Variants in GRIA1 observed in about 807,000 individuals in gnomAD.
The protein encoded by GRIA1 is glutamate receptor 1.
GRIA1 carries 31 observed loss-of-function variants against 99.2 expected under a neutral mutation model. The observed-to-expected ratio is 0.31, with a 90% confidence interval of 0.23 to 0.42. GRIA1 has a LOEUF of 0.42. Among genes scored for constraint, GRIA1 ranks in the 10% least tolerant of loss-of-function variants. GRIA1 has a pLI of 1.00. For missense variants in GRIA1, 782 were observed against 1,157.5 expected (o/e 0.68, Z 4.71); for synonymous variants, 438 against 432.4 (o/e 1.01, Z -0.16).
intron 4 of GRIA1, among the ~76,000 whole-genome samples, chr5:153,652,098 C>A (rs1754617736): frequency 6.6e-6 from 1 of 152,150 alleles, no homozygotes; most frequent in Non-Finnish European, 1.5e-5. Context: ...TACAAGCAAG[C>A]ATTTGCCTAT....
At chr5:153,519,869 TTCTAATAA>T (rs1756980897) in intron 2 of GRIA1, among the ~76,000 whole-genome samples, 1 of 152,226 alleles carries the variant, frequency 6.6e-6, no homozygotes, top group Non-Finnish European at 1.5e-5. Flanking sequence ...CATGTTTATA[TTCTAATAA>T]TCTATTTTCC....
chr5:153,634,410 C>T (rs879839174), intron 2 of GRIA1, among the ~76,000 whole-genome samples: 21 of 151,590 alleles, frequency 1.4e-4, no homozygotes, highest in Middle Eastern at 6.9e-3. Context: ...CTGAAGAATG[C>T]GAAGGGGTCA....
intron 11 of GRIA1, among the ~76,000 whole-genome samples, chr5:153,733,120 G>A (rs1761158280): frequency 6.6e-6 from 1 of 151,250 alleles, no homozygotes; most frequent in African/African-American, 2.4e-5. Flanking sequence ...ATTTGTTATT[G>A]GTTTGTTATA....
intron 2 of GRIA1, among the ~76,000 whole-genome samples, chr5:153,573,556 C>G (rs1762296932): frequency 6.6e-6 from 1 of 152,010 alleles, no homozygotes; most frequent in Non-Finnish European, 1.5e-5. Flanking sequence ...GGTGAGGGAT[C>G]TAGTTCCAAT....
Position 153,661,831 on chromosome 5 carries a change from A to G in GRIA1, c.699+5959A>G, listed in dbSNP as rs548787439. Among the ~76,000 whole-genome samples the G allele has an allele frequency of 3.9e-5, 6 of 152,366 alleles. No individual in the cohort carries two copies. The South Asian group carries it at 8.3e-4, about 21-fold the overall frequency. On this transcript the variant is annotated intron_variant, in intron 5 of 15. Coordinates refer to ENST00000285900, the MANE Select transcript of GRIA1 (RefSeq NM_000827.4). Reference sequence around the variant, plus strand: ...AATATGCAAATAAGTAGTTAAAGACAGGCCTAAGAGGCCTTCTAACCCACT... The same window carrying G: ...AATATGCAAATAAGTAGTTAAAGACGGGCCTAAGAGGCCTTCTAACCCACT...
At position 153,581,044 on chromosome 5, in the gene GRIA1, C is replaced by T. The variant is rs1013518933; in HGVS notation, c.221-65884C>T. Among the ~76,000 whole-genome samples, 17 of 152,282 alleles carry T rather than the reference C, an allele frequency of 1.1e-4. No individual in the cohort carries two copies. The East Asian group carries it at 3.3e-3, about 29-fold the overall frequency. On this transcript the variant is annotated intron_variant, in intron 2 of 15. Transcript: ENST00000285900. ...GTAGTTTATGCATTTCATAGGAAACCCAGCGGCTTACGTAGCAGCTCACTT... is the reference window on the plus strand; with the variant it reads ...GTAGTTTATGCATTTCATAGGAAACTCAGCGGCTTACGTAGCAGCTCACTT...
intron 8 of GRIA1, among the ~76,000 whole-genome samples, chr5:153,692,804 T>C (rs1337035567): frequency 6.6e-6 from 1 of 152,194 alleles, no homozygotes; most frequent in Non-Finnish European, 1.5e-5. Flanking sequence ...TAAAAGGTTG[T>C]TTATTACATC....
chr5:153,657,550 A>C (rs114361551), intron 5 of GRIA1, among the ~76,000 whole-genome samples: 115 of 152,366 alleles, frequency 7.5e-4, no homozygotes, highest in African/African-American at 2.6e-3. Context: ...AATTGAACAA[A>C]GGATTAATAT....
At chr5:153,775,646 G>A (rs1165109853) in intron 13 of GRIA1, among the ~76,000 whole-genome samples, 1 of 151,858 alleles carries the variant, frequency 6.6e-6, no homozygotes. Context: ...ATGGCAGTGA[G>A]AGATGCAATC....
At chr5:153,733,805 A>G (rs1761201118) in intron 11 of GRIA1, among the ~76,000 whole-genome samples, 1 of 152,208 alleles carries the variant, frequency 6.6e-6, no homozygotes, top group Non-Finnish European at 1.5e-5. Flanking sequence ...ATTGATCAAG[A>G]GGATATAATA....
chr5:153,587,803 A>T (rs573941948), intron 2 of GRIA1, among the ~76,000 whole-genome samples: 2 of 152,210 alleles, frequency 1.3e-5, no homozygotes, highest in South Asian at 4.1e-4. Context: ...ACACTCACAG[A>T]TCCTATTTCC....
intron 2 of GRIA1, among the ~76,000 whole-genome samples, chr5:153,530,074 A>C (rs192080202): frequency 4.5e-4 from 68 of 152,310 alleles, no homozygotes; most frequent in African/African-American, 1.5e-3. Context: ...AACTGTGAGC[A>C]CTTGTGCTGT....
At chr5:153,780,651 A>G (rs1764571057) in intron 13 of GRIA1, among the ~76,000 whole-genome samples, 1 of 152,202 alleles carries the variant, frequency 6.6e-6, no homozygotes, top group Non-Finnish European at 1.5e-5. Context: ...TCATCTTCCA[A>G]TCGAGATCTT....
chr5:153,576,153 G>C (rs1762513381), intron 2 of GRIA1, among the ~76,000 whole-genome samples: 1 of 152,144 alleles, frequency 6.6e-6, no homozygotes, highest in Non-Finnish European at 1.5e-5. Flanking sequence ...TGATGATAAT[G>C]ACAGTATCTG....
intron 2 of GRIA1, among the ~76,000 whole-genome samples, chr5:153,529,081 C>T (rs529745284): frequency 6.6e-6 from 1 of 152,180 alleles, no homozygotes; most frequent in Non-Finnish European, 1.5e-5. Context: ...TCACTAGGGT[C>T]ATGTTTGCCT....
chr5:153,537,909 C>T (rs1561622424), intron 2 of GRIA1, among the ~76,000 whole-genome samples: 1 of 152,170 alleles, frequency 6.6e-6, no homozygotes, highest in Non-Finnish European at 1.5e-5. Flanking sequence ...ACAGCTTGTG[C>T]TCTTACCAGC....
At chr5:153,625,086 T>A (rs76134513) in intron 2 of GRIA1, among the ~76,000 whole-genome samples, 10 of 151,924 alleles carry the variant, frequency 6.6e-5, no homozygotes, top group African/African-American at 2.4e-4. Context: ...CTGCTGAATA[T>A]AAGTCCCTAG....
intron 11 of GRIA1, among the ~76,000 whole-genome samples, chr5:153,748,434 A>T (rs559821626): frequency 6.6e-6 from 1 of 152,328 alleles, no homozygotes; most frequent in South Asian, 2.1e-4. Flanking sequence ...AAAAGACAGT[A>T]CAAGAGGAGA....
intron 2 of GRIA1, among the ~76,000 whole-genome samples, chr5:153,521,634 T>C (rs547349836): frequency 1.2e-4 from 18 of 152,308 alleles, no homozygotes; most frequent in African/African-American, 4.3e-4. Context: ...ATTTGCTTCC[T>C]TGAAGAATTT....
Sources: gnomAD v4.1 joint callset for allele counts (sites outside exome capture counted in the v4.1 genomes callset) on GRCh38, gnomAD v4.1.1 for gene constraint, MANE v1.5 for transcripts, NCBI Gene and HGNC (gene_info 2026-07-23, HGNC 2026-07-21) for gene names.